SPATA18: variants seen among roughly 807,000 people sequenced by gnomAD.
SPATA18 encodes mitochondria-eating protein.
Under a neutral mutation model 68.1 loss-of-function variants are expected in SPATA18, and 54 were observed. That is an observed-to-expected ratio of 0.79 (90% CI 0.64 to 0.99). SPATA18 has a LOEUF of 0.99. Among genes scored for constraint, SPATA18 ranks in the 50% least tolerant of loss-of-function variants. SPATA18 has a pLI of 0.00. For missense variants in SPATA18, 724 were observed against 681.1 expected (o/e 1.06, Z -0.70); for synonymous variants, 242 against 244.8 (o/e 0.99, Z 0.11).
At chr4:52,078,931 T>C in intron 8 of SPATA18, 38 bp downstream of exon 8, 3 of 1,522,444 alleles carry the variant, frequency 2.0e-6, no homozygotes, top group Non-Finnish European at 2.7e-6. Flanking sequence ...GGTTTGCTGC[T>C]GCTGCTGCAG....
Position 52,076,948 on chromosome 4 carries a change from T to C in SPATA18, c.928T>C (p.Tyr310His). Reference sequence around the variant, plus strand: ...CCTCTTGTCCCGGTTCAGCGATTCCTATTCCCAGGCCCGCCTGGACGCGCA... The same window carrying C: ...CCTCTTGTCCCGGTTCAGCGATTCCCATTCCCAGGCCCGCCTGGACGCGCA... ...AALLSRFSDS[Y>H]SQARLDAQCL... The change falls in exon 7 of 13, where the codon TAT becomes CAT. Residue 310 changes from tyrosine (Y) to histidine (H), a missense_variant. By Grantham distance (83) the Tyr-to-His change is moderately conservative. Transcript: ENST00000295213. 1 of 1,614,188 alleles carries C rather than the reference T, an allele frequency of 6.2e-7. No homozygotes were observed. The highest frequency in any genetic ancestry group is 8.5e-7 in the Non-Finnish European group (1 of 1,180,036).
In SPATA18 at chr4:52,051,523, C is replaced by T. The variant is rs1030552580; in HGVS notation, c.-182C>T. 15 of 628,354 alleles carry T rather than the reference C, an allele frequency of 2.4e-5. No homozygotes were observed. The highest frequency in any genetic ancestry group is 8.3e-5 in the Admixed American group (3 of 35,966). 38.9% of individuals were successfully genotyped at this position (628,354 alleles called of 1,614,324 possible). On this transcript the variant is annotated 5_prime_UTR_variant, in exon 1 of 13. Transcript: ENST00000295213. ...GCGGCTGCGGCCCAGGGCACCTCCC[C>T]TCTGGCTTCCCGAACCCGGCCAGGT...
intron 10 of SPATA18, 102 bp from the exon 11 acceptor site, chr4:52,084,814 A>G: frequency 8.8e-7 from 1 of 1,134,542 alleles, no homozygotes. Context: ...GTGTAATCAC[A>G]TAAGTAAAAC....
chr4:52,085,035 A>G (rs377760365), intron 11 of SPATA18, 36 bp downstream of exon 11: 14 of 1,494,948 alleles, frequency 9.4e-6, no homozygotes, highest in Non-Finnish European at 1.2e-5. Context: ...CACAAAATTC[A>G]TCTATGGTTG....
intron 7 of SPATA18, among the ~76,000 whole-genome samples, chr4:52,078,084 T>A (rs1001006405): frequency 1.5e-5 from 2 of 130,110 alleles, no homozygotes; most frequent in Non-Finnish European, 3.3e-5. Context: ...AATGTAAGAA[T>A]GTTTTTAGAT....
At chr4:52,054,987 G>A (rs1327920219) in intron 1 of SPATA18, among the ~76,000 whole-genome samples, 1 of 151,654 alleles carries the variant, frequency 6.6e-6, no homozygotes, top group African/African-American at 2.4e-5. Context: ...TAAAGAGTCT[G>A]TTATATTAGT....
At chr4:52,054,420 C>T (rs1427784412) in intron 1 of SPATA18, among the ~76,000 whole-genome samples, 1 of 152,154 alleles carries the variant, frequency 6.6e-6, no homozygotes, top group Admixed American at 6.6e-5. Flanking sequence ...CTGCTGAAAC[C>T]AGAGGCAGGC....
intron 10 of SPATA18, 93 bp from the exon 11 acceptor site, chr4:52,084,823 A>G (rs1320833723): frequency 1.6e-6 from 2 of 1,217,576 alleles, no homozygotes; most frequent in Admixed American, 1.8e-5. Flanking sequence ...CATAAGTAAA[A>G]CTCTTATTCT....
At chr4:52,062,968 G>A (rs1460546331) in intron 4 of SPATA18, among the ~76,000 whole-genome samples, 1 of 152,140 alleles carries the variant, frequency 6.6e-6, no homozygotes. Context: ...CAGAGCCAGG[G>A]TAGCAAGCTT....
chr4:52,051,886 T>C, intron 1 of SPATA18, 95 bp downstream of exon 1: 1 of 1,162,348 alleles, frequency 8.6e-7, no homozygotes, highest in Non-Finnish European at 1.3e-6. Context: ...TGGTGGCCAC[T>C]TTGCAAAGCC....
intron 11 of SPATA18, among the ~76,000 whole-genome samples, chr4:52,086,370 G>A (rs563918899): frequency 1.3e-5 from 2 of 152,074 alleles, no homozygotes; most frequent in African/African-American, 4.8e-5. Flanking sequence ...TCAACCAATC[G>A]CCTACATTAG....
At chr4:52,094,817 G>A in intron 12 of SPATA18, 63 bp from the exon 13 acceptor site, 1 of 1,599,574 alleles carries the variant, frequency 6.3e-7, no homozygotes, top group Middle Eastern at 1.7e-4. Context: ...TTTCATTTAG[G>A]TGCTTCCAAA....
chr4:52,076,516 G>A (rs868265936), intron 6 of SPATA18, among the ~76,000 whole-genome samples: 8 of 152,122 alleles, frequency 5.3e-5, no homozygotes, highest in African/African-American at 7.2e-5. Context: ...CTTTTTGAGC[G>A]TTTATGGGTC....
intron 4 of SPATA18, among the ~76,000 whole-genome samples, chr4:52,067,321 G>T (rs753362431): frequency 4.6e-5 from 7 of 152,032 alleles, no homozygotes; most frequent in Non-Finnish European, 8.8e-5. Context: ...GTTTGTTCAT[G>T]TTCTTTGCCC....
intron 4 of SPATA18, among the ~76,000 whole-genome samples, chr4:52,063,519 T>C (rs1377747131): frequency 6.6e-6 from 1 of 152,204 alleles, no homozygotes; most frequent in Admixed American, 6.5e-5. Flanking sequence ...AATATATAAT[T>C]TATTTCAACC....
intron 11 of SPATA18, among the ~76,000 whole-genome samples, chr4:52,091,870 A>G (rs1741992429): frequency 6.6e-6 from 1 of 152,100 alleles, no homozygotes; most frequent in Non-Finnish European, 1.5e-5. Flanking sequence ...TAAGCCCCTG[A>G]CTGGGGCTGC....
chr4:52,064,427 C>G (rs988136372), intron 4 of SPATA18, among the ~76,000 whole-genome samples: 1 of 152,052 alleles, frequency 6.6e-6, no homozygotes, highest in African/African-American at 2.4e-5. Context: ...CCTCACCCTC[C>G]TCCTTCCTTT....
At chr4:52,060,345 G>T in intron 1 of SPATA18, 74 bp from the exon 2 acceptor site, 1 of 1,243,026 alleles carries the variant, frequency 8.0e-7, no homozygotes, top group East Asian at 2.4e-5. Flanking sequence ...TGGGTCAAGT[G>T]AGGCCCTGGT....
chr4:52,055,949 A>G (rs75522385), intron 1 of SPATA18, among the ~76,000 whole-genome samples: 303 of 152,312 alleles, frequency 2.0e-3, no homozygotes, highest in Non-Finnish European at 3.7e-3. Context: ...AAATTTCTTG[A>G]GAGTATAAAT....
Sources: allele counts gnomAD v4.1 joint callset (sites outside exome capture counted in the v4.1 genomes callset), GRCh38; gene constraint gnomAD v4.1.1; transcripts MANE v1.5; gene names NCBI Gene and HGNC (gene_info 2026-07-23, HGNC 2026-07-21).